Variants in EPHA6 observed in about 807,000 individuals in gnomAD.
EPHA6 encodes the protein ephrin type-A receptor 6.
In EPHA6, 50 loss-of-function variants were observed where a neutral mutation model predicts 112.0. That is an observed-to-expected ratio of 0.45 (90% confidence interval 0.36 to 0.56). The LOEUF is 0.56. EPHA6 is among the 20% of genes least tolerant of loss of function. The pLI is 0.00. For missense variants in EPHA6, 1,280 were observed against 1,417.4 expected, an observed-to-expected ratio of 0.90 and a Z score of 1.56; for synonymous variants, 529 against 490.7, an observed-to-expected ratio of 1.08 and a Z score of -1.03.
At chr3:97,565,147 G>A (rs190326398) in intron 11 of EPHA6, among the ~76,000 whole-genome samples, 9 of 151,888 alleles carry the variant, frequency 5.9e-5, no homozygotes, top group African/African-American at 2.2e-4. Flanking sequence ...AGAAAGAACA[G>A]AATAAATATC....
At chr3:97,013,499 C>G (rs2044161707) in intron 3 of EPHA6, among the ~76,000 whole-genome samples, 1 of 152,084 alleles carries the variant, frequency 6.6e-6, no homozygotes, top group South Asian at 2.1e-4. Flanking sequence ...TGTGTACCCA[C>G]TACGTCCTGA....
chr3:97,557,378 A>G (rs961524025), intron 11 of EPHA6, among the ~76,000 whole-genome samples: 2 of 151,856 alleles, frequency 1.3e-5, no homozygotes, highest in Non-Finnish European at 2.9e-5. Context: ...TTATATGTTC[A>G]TTAGCCATTT....
intron 10 of EPHA6, among the ~76,000 whole-genome samples, chr3:97,488,707 T>C (rs1409588318): frequency 6.6e-6 from 1 of 152,222 alleles, no homozygotes; most frequent in Non-Finnish European, 1.5e-5. Flanking sequence ...ATTTTCTCTA[T>C]ATTTAGATGA....
intron 3 of EPHA6, among the ~76,000 whole-genome samples, chr3:97,070,026 C>T (rs1449351267): frequency 2.6e-5 from 4 of 152,166 alleles, no homozygotes; most frequent in South Asian, 2.1e-4. Context: ...GCCATAGATG[C>T]GGCATGACTG....
intron 2 of EPHA6, among the ~76,000 whole-genome samples, chr3:96,971,231 G>A (rs1559632662): frequency 1.3e-5 from 2 of 151,850 alleles, no homozygotes; most frequent in Non-Finnish European, 2.9e-5. Context: ...TATCTTTATT[G>A]CTATAATATT....
intron 14 of EPHA6, among the ~76,000 whole-genome samples, chr3:97,682,343 C>A (rs1049905887): frequency 6.6e-6 from 1 of 151,996 alleles, no homozygotes; most frequent in African/African-American, 2.4e-5. Context: ...TCAAATCACC[C>A]TTGGAAGCTA....
At chr3:97,485,703 G>A (rs2091683190) in intron 10 of EPHA6, among the ~76,000 whole-genome samples, 1 of 152,218 alleles carries the variant, frequency 6.6e-6, no homozygotes, top group Non-Finnish European at 1.5e-5. Flanking sequence ...GCATAATTGA[G>A]AAGAGTGATT....
Position 97,735,919 on chromosome 3 carries a change from A to G in EPHA6, c.2935-6A>G, listed in dbSNP as rs2107850185. On this transcript the variant is annotated splice_polypyrimidine_tract_variant and splice_region_variant and intron_variant, in intron 15 of 17. Transcript: ENST00000389672. ...AAGAGAGTAATCTGTATATGTTTGC[A>G]TTTAGGTCATTCTGTCCATTGAAGA... The G allele has an allele frequency of 6.3e-7, 1 of 1,598,358 alleles. No homozygotes were observed. Among genetic ancestry groups the G allele is most frequent in the East Asian group, 2.2e-5 (1 of 44,580 alleles).
chr3:97,022,822 C>A (rs1005942154), intron 3 of EPHA6, among the ~76,000 whole-genome samples: 4 of 152,148 alleles, frequency 2.6e-5, no homozygotes, highest in Non-Finnish European at 2.9e-5. Flanking sequence ...TCACTTTATT[C>A]TTGGTTAAAA....
chr3:97,267,076 A>G (rs1229491502), intron 5 of EPHA6, among the ~76,000 whole-genome samples: 1 of 152,152 alleles, frequency 6.6e-6, no homozygotes, highest in African/African-American at 2.4e-5. Context: ...TCTGCTTTTA[A>G]GTGAAAATTA....
At chr3:96,823,537 C>T (rs193177076) in intron 1 of EPHA6, among the ~76,000 whole-genome samples, 2 of 151,686 alleles carry the variant, frequency 1.3e-5, no homozygotes, top group Non-Finnish European at 3.0e-5. Context: ...TTAAAGCATA[C>T]TTAAATAGTA....
At chr3:96,833,057 A>T (rs2034187252) in intron 1 of EPHA6, among the ~76,000 whole-genome samples, 1 of 151,652 alleles carries the variant, frequency 6.6e-6, no homozygotes, top group African/African-American at 2.4e-5. Flanking sequence ...TCTGCGTTGA[A>T]TTATGTCCTC....
At chr3:97,636,843 T>C (rs761705540) in intron 13 of EPHA6, among the ~76,000 whole-genome samples, 26 of 152,178 alleles carry the variant, frequency 1.7e-4, no homozygotes, top group Admixed American at 5.9e-4. Flanking sequence ...CTGCTAGATA[T>C]TCATTTTTAA....
intron 3 of EPHA6, among the ~76,000 whole-genome samples, chr3:96,992,877 T>C (rs2043267825): frequency 6.6e-6 from 1 of 152,202 alleles, no homozygotes; most frequent in East Asian, 1.9e-4. Flanking sequence ...GTCATGCCTC[T>C]GGGTCTTCAC....
At chr3:97,039,512 AT>A (rs1271359009) in intron 3 of EPHA6, among the ~76,000 whole-genome samples, 3 of 152,006 alleles carry the variant, frequency 2.0e-5, no homozygotes, top group African/African-American at 7.2e-5. Flanking sequence ...TAGAAGAGAT[AT>A]AGTTAGTTGG....
intron 3 of EPHA6, among the ~76,000 whole-genome samples, chr3:96,998,414 C>A (rs1020293900): frequency 6.6e-6 from 1 of 151,750 alleles, no homozygotes; most frequent in African/African-American, 2.4e-5. Context: ...AAAAGTATGT[C>A]TTTTGGTAGT....
intron 2 of EPHA6, among the ~76,000 whole-genome samples, chr3:96,930,165 T>C (rs1369273928): frequency 2.6e-5 from 4 of 152,244 alleles, no homozygotes; most frequent in African/African-American, 9.6e-5. Flanking sequence ...TTACAATATG[T>C]TACTTTAGCT....
intron 1 of EPHA6, among the ~76,000 whole-genome samples, chr3:96,843,135 A>G (rs556152219): frequency 6.6e-6 from 1 of 152,220 alleles, no homozygotes; most frequent in Admixed American, 6.5e-5. Context: ...AGCTTGTCCA[A>G]GTAAAGATAT....
chr3:97,469,269 T>C (rs2107435282), intron 7 of EPHA6, among the ~76,000 whole-genome samples: 1 of 151,776 alleles, frequency 6.6e-6, no homozygotes, highest in Non-Finnish European at 1.5e-5. Flanking sequence ...TCCATCAGTC[T>C]GACTAGCAGT....
Sources: gnomAD v4.1 joint callset for allele counts (sites outside exome capture counted in the v4.1 genomes callset) on GRCh38, gnomAD v4.1.1 for gene constraint, MANE v1.5 for transcripts, NCBI Gene and HGNC (gene_info 2026-07-23, HGNC 2026-07-21) for gene names.